The following AKAP19 variants were observed in gnomAD, a reference collection of about 807,000 sequenced individuals.
AKAP19 encodes the protein small A-kinase anchoring protein.
the AKAP19 span, among the ~76,000 whole-genome samples, chr2:189,894,342 G>A: frequency 2.6e-4 from 39 of 152,158 alleles, no homozygotes; most frequent in Admixed American, 2.4e-3. Flanking sequence ...CTGATCAAAT[G>A]CCCCTTTCTC....
chr2:190,109,241 A>C, the AKAP19 span, among the ~76,000 whole-genome samples: 1 of 152,214 alleles, frequency 6.6e-6, no homozygotes, highest in East Asian at 1.9e-4. Flanking sequence ...ATTTCAGCAG[A>C]TGTAAACAGT....
chr2:190,143,966 A>T, the AKAP19 span, among the ~76,000 whole-genome samples: 1 of 141,150 alleles, frequency 7.1e-6, no homozygotes, highest in Non-Finnish European at 1.5e-5. Flanking sequence ...GTGGGAACTG[A>T]ACAATGAGAT....
the AKAP19 span, among the ~76,000 whole-genome samples, chr2:190,002,984 GT>G: frequency 1.3e-5 from 2 of 151,794 alleles, no homozygotes; most frequent in Non-Finnish European, 2.9e-5. Flanking sequence ...AATCCTGAGG[GT>G]TTTTTTAATG....
the AKAP19 span, among the ~76,000 whole-genome samples, chr2:189,927,242 A>G: frequency 6.6e-6 from 1 of 152,160 alleles, no homozygotes; most frequent in African/African-American, 2.4e-5. Flanking sequence ...TTCAGTACTC[A>G]GGCTGAAATC....
chr2:190,061,813 A>C, the AKAP19 span, among the ~76,000 whole-genome samples: 1 of 151,784 alleles, frequency 6.6e-6, no homozygotes, highest in South Asian at 2.1e-4. Flanking sequence ...ACATCCAGCA[A>C]GTTTCTTTTT....
At chr2:190,107,808 T>C in the AKAP19 span, among the ~76,000 whole-genome samples, 1 of 152,232 alleles carries the variant, frequency 6.6e-6, no homozygotes, top group Non-Finnish European at 1.5e-5. Flanking sequence ...AATATAATTT[T>C]ATAGCATCAA....
the AKAP19 span, among the ~76,000 whole-genome samples, chr2:190,158,504 T>C: frequency 1.3e-5 from 2 of 152,252 alleles, no homozygotes; most frequent in East Asian, 1.9e-4. Flanking sequence ...ATATAGATTC[T>C]ATGTAAATAT....
chr2:189,933,834 A>G, the AKAP19 span, among the ~76,000 whole-genome samples: 1 of 152,002 alleles, frequency 6.6e-6, no homozygotes, highest in Non-Finnish European at 1.5e-5. Flanking sequence ...TTATTTTGTC[A>G]CTTTTGGACT....
At chr2:189,923,791 T>A in the AKAP19 span, 13,416 of 1,612,672 alleles carry the variant, frequency 8.3e-3, 76 homozygotes, top group Non-Finnish European at 0.01. Context: ...CAGGAAACAC[T>A]TCACAAAGGG....
chr2:190,182,701 C>CTGCCATCTTCAAATAAAATAATCTA, the AKAP19 span, among the ~76,000 whole-genome samples: 1 of 152,158 alleles, frequency 6.6e-6, no homozygotes, highest in Non-Finnish European at 1.5e-5. Context: ...GTGCAATGAG[C>CTGCCATCTTCAAATAAAATAATCTA]TGCCATCTTC....
At chr2:190,028,442 A>G in the AKAP19 span, among the ~76,000 whole-genome samples, 10 of 152,260 alleles carry the variant, frequency 6.6e-5, no homozygotes, top group African/African-American at 2.4e-4. Flanking sequence ...ACTTGTTCAG[A>G]ATGTTGTTCT....
chr2:190,042,583 TAATTC>T, the AKAP19 span, among the ~76,000 whole-genome samples: 1 of 152,194 alleles, frequency 6.6e-6, no homozygotes. Context: ...CCTGCTTCTC[TAATTC>T]TTTCAGTTGT....
At chr2:190,017,031 T>A in the AKAP19 span, among the ~76,000 whole-genome samples, 7 of 152,206 alleles carry the variant, frequency 4.6e-5, no homozygotes, top group African/African-American at 1.2e-4. Context: ...TATCATTATA[T>A]AATGACCTGC....
At chr2:189,958,350 A>C in the AKAP19 span, among the ~76,000 whole-genome samples, 581 of 152,174 alleles carry the variant, frequency 3.8e-3, 3 homozygotes, top group Non-Finnish European at 6.0e-3. Flanking sequence ...GCTTGGCTTA[A>C]ATTTAAAATT....
the AKAP19 span, among the ~76,000 whole-genome samples, chr2:190,116,000 C>CTGTTTTG: frequency 4.5e-3 from 681 of 152,314 alleles, 9 homozygotes; most frequent in African/African-American, 0.016. Flanking sequence ...ACCAAATGTC[C>CTGTTTTG]TGTTTTGCAC....
the AKAP19 span, among the ~76,000 whole-genome samples, chr2:189,880,707 T>C: frequency 6.6e-6 from 1 of 152,246 alleles, no homozygotes; most frequent in East Asian, 1.9e-4. Context: ...TTTTTCCTTT[T>C]GGCATAGTGA....
chr2:190,098,224 A>G, the AKAP19 span, among the ~76,000 whole-genome samples: 1 of 152,208 alleles, frequency 6.6e-6, no homozygotes, highest in African/African-American at 2.4e-5. Context: ...ATAGCCTTAT[A>G]AAATATATTT....
At chr2:190,015,365 A>G in the AKAP19 span, among the ~76,000 whole-genome samples, 1 of 152,146 alleles carries the variant, frequency 6.6e-6, no homozygotes, top group African/African-American at 2.4e-5. Context: ...TGGGGCTTAT[A>G]CCCTCTGAAA....
chr2:189,880,143 C>T, the AKAP19 span, among the ~76,000 whole-genome samples: 3 of 152,202 alleles, frequency 2.0e-5, no homozygotes, highest in Non-Finnish European at 4.4e-5. Flanking sequence ...GCACAGCCCG[C>T]ATTTCTCAAC....
Sources: allele counts gnomAD v4.1 joint callset (sites outside exome capture counted in the v4.1 genomes callset), GRCh38; gene constraint gnomAD v4.1.1; transcripts MANE v1.5; gene names NCBI Gene and HGNC (gene_info 2026-07-23, HGNC 2026-07-21).